Variants in CSMD1 observed in about 807,000 individuals in gnomAD.
CSMD1 encodes the protein CUB and Sushi multiple domains 1, also known as CUB and sushi domain-containing protein 1.
CSMD1 carries 213 observed loss-of-function variants against 417.5 expected under a neutral mutation model. The observed-to-expected ratio is 0.51, with a 90% CI of 0.46 to 0.57. The LOEUF (loss-of-function observed/expected upper bound fraction) is 0.57, where lower values mean the gene tolerates loss of function less well. CSMD1 is among the 20% of genes least tolerant of loss of function. The probability of loss-of-function intolerance (pLI) is 0.00; values close to 1 mark genes in which losing one functional copy is unlikely to be tolerated. For synonymous variants in CSMD1, 2,862 were observed against 1,736.8 expected (o/e 1.65, Z -16.11); for missense variants, 6,923 against 4,529.7 (o/e 1.53, Z -15.17).
chr8:3,366,982 A>G (rs1440086972), intron 20 of CSMD1, 50 bp downstream of exon 20: 3 of 1,363,816 alleles, frequency 2.2e-6, no homozygotes, highest in East Asian at 2.3e-5. Flanking sequence ...ACTAACAGAA[A>G]TGGCAGTATT....
At chr8:4,111,224 G>T (rs140234391) in intron 3 of CSMD1, among the ~76,000 whole-genome samples, 2 of 151,998 alleles carry the variant, frequency 1.3e-5, no homozygotes, top group Non-Finnish European at 2.9e-5. Flanking sequence ...TCATCTTTTG[G>T]TTCCACGTCT....
chr8:3,529,962 G>A (rs769243765), intron 10 of CSMD1, among the ~76,000 whole-genome samples: 15 of 152,238 alleles, frequency 9.9e-5, no homozygotes, highest in African/African-American at 2.6e-4. Flanking sequence ...ATTTGCCCAC[G>A]AAATGATGTG....
intron 1 of CSMD1, among the ~76,000 whole-genome samples, chr8:4,654,557 G>A (rs1002470626): frequency 1.3e-5 from 2 of 152,048 alleles, no homozygotes; most frequent in Non-Finnish European, 2.9e-5. Flanking sequence ...TAGAGGGGGA[G>A]GAATGGAGGG....
At chr8:3,798,147 C>T (rs895771263) in intron 5 of CSMD1, among the ~76,000 whole-genome samples, 1 of 151,858 alleles carries the variant, frequency 6.6e-6, no homozygotes, top group Non-Finnish European at 1.5e-5. Context: ...ATGTTTAGTG[C>T]ATCATATGTA....
At chr8:4,736,472 C>G (rs529162739) in intron 1 of CSMD1, among the ~76,000 whole-genome samples, 6 of 152,096 alleles carry the variant, frequency 3.9e-5, no homozygotes, top group East Asian at 3.9e-4. Context: ...TGGGCAAATA[C>G]AAGAAAAACT....
intron 1 of CSMD1, among the ~76,000 whole-genome samples, chr8:4,989,813 C>A (rs985742031): frequency 2.2e-4 from 34 of 152,272 alleles, no homozygotes; most frequent in African/African-American, 7.0e-4. Flanking sequence ...CTTATAAGCA[C>A]GAACCAGCCA....
chr8:4,114,605 G>A (rs1041369530), intron 3 of CSMD1, among the ~76,000 whole-genome samples: 2 of 152,216 alleles, frequency 1.3e-5, no homozygotes, highest in East Asian at 3.9e-4. Context: ...TTCTTCGATG[G>A]ACTTGGTCAA....
intron 5 of CSMD1, among the ~76,000 whole-genome samples, chr8:3,854,128 A>C (rs1478117871): frequency 7.0e-6 from 1 of 142,764 alleles, no homozygotes; most frequent in Non-Finnish European, 1.5e-5. Flanking sequence ...TTATACTTAT[A>C]TATATAAACT....
intron 10 of CSMD1, among the ~76,000 whole-genome samples, chr8:3,494,777 G>A (rs940465317): frequency 1.3e-5 from 2 of 152,318 alleles, no homozygotes; most frequent in East Asian, 3.9e-4. Flanking sequence ...AGGAGGAACA[G>A]AAACCATAAT....
At chr8:4,144,599 G>A (rs756458532) in intron 3 of CSMD1, among the ~76,000 whole-genome samples, 3 of 150,970 alleles carry the variant, frequency 2.0e-5, no homozygotes, top group East Asian at 3.9e-4. Flanking sequence ...AGTCATAAAA[G>A]AGGTGAAGAC....
At chr8:3,350,194 G>A (rs533312287) in intron 21 of CSMD1, among the ~76,000 whole-genome samples, 1 of 122,092 alleles carries the variant, frequency 8.2e-6, no homozygotes, top group Non-Finnish European at 1.6e-5. Flanking sequence ...TATAACTTGT[G>A]TATGTGTGTG....
intron 5 of CSMD1, among the ~76,000 whole-genome samples, chr8:3,979,966 A>AGT (rs1282656008): frequency 1.3e-5 from 2 of 152,240 alleles, no homozygotes. Context: ...ACACTGCCAA[A>AGT]GTTAAATATT....
At chr8:4,239,925 G>C (rs139066497) in intron 3 of CSMD1, among the ~76,000 whole-genome samples, 102 of 152,294 alleles carry the variant, frequency 6.7e-4, no homozygotes, top group African/African-American at 2.4e-3. Flanking sequence ...AGTTGAATTA[G>C]TAAGTCATAA....
At chr8:3,414,479 T>C (rs533720997) in intron 12 of CSMD1, among the ~76,000 whole-genome samples, 20 of 152,284 alleles carry the variant, frequency 1.3e-4, no homozygotes, top group African/African-American at 4.8e-4. Context: ...CCTCACTGTC[T>C]ATCATCATTT....
chr8:4,173,569 G>A (rs1010215371), intron 3 of CSMD1, among the ~76,000 whole-genome samples: 1 of 152,086 alleles, frequency 6.6e-6, no homozygotes, highest in African/African-American at 2.4e-5. Context: ...ATTATCAAAT[G>A]ATGTAACAAT....
intron 5 of CSMD1, among the ~76,000 whole-genome samples, chr8:3,985,593 G>T (rs1029847730): frequency 6.6e-6 from 1 of 152,048 alleles, no homozygotes; most frequent in Non-Finnish European, 1.5e-5. Flanking sequence ...TATTTGAAGG[G>T]GCGCCACCTT....
intron 3 of CSMD1, among the ~76,000 whole-genome samples, chr8:4,067,601 A>G (rs1285928748): frequency 3.3e-5 from 5 of 152,166 alleles, no homozygotes; most frequent in Admixed American, 1.3e-4. Context: ...TTAATTATCA[A>G]TTCTTTTATT....
chr8:3,002,177 A>AGAGTCT (rs1807461322), intron 52 of CSMD1, among the ~76,000 whole-genome samples: 5 of 152,228 alleles, frequency 3.3e-5, no homozygotes, highest in Admixed American at 3.3e-4. Flanking sequence ...GAGACTTGAT[A>AGAGTCT]CAAGCGGAGA....
chr8:3,876,800 C>T (rs766875010), intron 5 of CSMD1, among the ~76,000 whole-genome samples: 10 of 152,216 alleles, frequency 6.6e-5, no homozygotes, highest in African/African-American at 9.6e-5. Flanking sequence ...TTTGTAGAAA[C>T]GAGGTTTCAC....
Sources: gnomAD v4.1 joint callset for allele counts (sites outside exome capture counted in the v4.1 genomes callset) on GRCh38, gnomAD v4.1.1 for gene constraint, MANE v1.5 for transcripts, NCBI Gene and HGNC (gene_info 2026-07-23, HGNC 2026-07-21) for gene names.